Variants in SOX6 observed in about 807,000 individuals in gnomAD.
SOX6 encodes SRY-box transcription factor 6, also known as transcription factor SOX-6.
SOX6 carries 11 observed loss-of-function variants against 97.8 expected under a neutral mutation model. The ratio of observed to expected loss-of-function variants is 0.11; its 90% CI spans 0.07 to 0.19. The LOEUF is 0.19. Among genes scored for constraint, SOX6 ranks in the 10% least tolerant of loss-of-function variants. The probability of loss-of-function intolerance (pLI) is 1.00; values close to 1 mark genes in which losing one functional copy is unlikely to be tolerated. For missense variants in SOX6, 810 were observed against 1,039.5 expected, an observed-to-expected ratio of 0.78 and a Z score of 3.04; for synonymous variants, 360 against 371.4, an observed-to-expected ratio of 0.97 and a Z score of 0.35.
At chr11:16,123,719 T>C (rs901969568) in intron 6 of SOX6, among the ~76,000 whole-genome samples, 1 of 152,038 alleles carries the variant, frequency 6.6e-6, no homozygotes, top group Non-Finnish European at 1.5e-5. Flanking sequence ...CTCCCTTTAA[T>C]GAACAAGGTG....
intron 2 of SOX6, among the ~76,000 whole-genome samples, chr11:16,335,668 G>A (rs889054240): frequency 1.4e-4 from 22 of 152,150 alleles, no homozygotes; most frequent in Admixed American, 1.3e-3. Flanking sequence ...CATGACTGAA[G>A]ATTAGATCCT....
chr11:16,410,475 G>A (rs1590192877), intron 1 of SOX6, among the ~76,000 whole-genome samples: 1 of 152,110 alleles, frequency 6.6e-6, no homozygotes, highest in East Asian at 1.9e-4. Context: ...ATGAGCAAGG[G>A]GCCAGGCATG....
intron 3 of SOX6, chr11:16,317,265 T>G (rs1855779836): frequency 6.6e-6 from 1 of 150,964 alleles, no homozygotes; most frequent in Non-Finnish European, 1.5e-5. Flanking sequence ...ATGTTATATA[T>G]AATATAATAC....
intron 3 of SOX6, among the ~76,000 whole-genome samples, chr11:16,251,714 T>C (rs1853516850): frequency 6.6e-6 from 1 of 151,922 alleles, no homozygotes; most frequent in Non-Finnish European, 1.5e-5. Flanking sequence ...ATCCAACTCA[T>C]GTTAGGGGAC....
intron 2 of SOX6, among the ~76,000 whole-genome samples, chr11:16,731,903 C>T (rs1312996068): frequency 6.6e-6 from 1 of 152,110 alleles, no homozygotes; most frequent in African/African-American, 2.4e-5. Context: ...AGTCTCAGAA[C>T]ACAAACTCAA....
intron 2 of SOX6, among the ~76,000 whole-genome samples, chr11:16,335,226 G>A (rs1255715271): frequency 2.0e-5 from 3 of 152,162 alleles, no homozygotes; most frequent in Admixed American, 6.5e-5. Context: ...ACTATTCAGT[G>A]ATTCAAGGTA....
At chr11:16,419,126 AAG>A (rs1858980150) in intron 1 of SOX6, among the ~76,000 whole-genome samples, 1 of 152,200 alleles carries the variant, frequency 6.6e-6, no homozygotes, top group South Asian at 2.1e-4. Context: ...GCACAGATTT[AAG>A]AGTGTGGCAA....
At chr11:16,523,240 C>G (rs1276222383) in intron 4 of SOX6, among the ~76,000 whole-genome samples, 5 of 152,060 alleles carry the variant, frequency 3.3e-5, no homozygotes, top group Non-Finnish European at 7.4e-5. Context: ...AAGTAAAGCT[C>G]TCCTCAGCAA....
chr11:16,641,797 T>C (rs1848918811), intron 3 of SOX6, among the ~76,000 whole-genome samples: 1 of 152,222 alleles, frequency 6.6e-6, no homozygotes, highest in African/African-American at 2.4e-5. Flanking sequence ...AGCCTATGTG[T>C]GTCTCTGCAC....
intron 8 of SOX6, among the ~76,000 whole-genome samples, chr11:16,096,428 TTAG>T (rs1848796024): frequency 6.6e-6 from 1 of 151,760 alleles, no homozygotes; most frequent in African/African-American, 2.4e-5. Flanking sequence ...GGTTTCAGTG[TTAG>T]TAGCGTGAAA....
intron 1 of SOX6, among the ~76,000 whole-genome samples, chr11:16,430,871 T>C (rs1434678910): frequency 6.6e-6 from 1 of 152,168 alleles, no homozygotes; most frequent in East Asian, 1.9e-4. Flanking sequence ...TGAGAACTCA[T>C]GTCACCTTTC....
intron 4 of SOX6, among the ~76,000 whole-genome samples, chr11:16,595,586 C>T (rs1299572413): frequency 8.9e-6 from 1 of 112,346 alleles, no homozygotes; most frequent in Non-Finnish European, 1.8e-5. Context: ...CCCTGGGCAA[C>T]AAGATACCAC....
intron 7 of SOX6, among the ~76,000 whole-genome samples, chr11:16,108,450 G>A (rs1849151681): frequency 1.3e-5 from 2 of 152,244 alleles, no homozygotes; most frequent in South Asian, 2.1e-4. Context: ...TGGCAACTGT[G>A]AAAGATGCTT....
intron 4 of SOX6, among the ~76,000 whole-genome samples, chr11:16,496,500 T>A (rs1403170717): frequency 6.6e-6 from 1 of 152,208 alleles, no homozygotes; most frequent in African/African-American, 2.4e-5. Context: ...GCACCGAGCA[T>A]GAGCCAAAGC....
intron 4 of SOX6, among the ~76,000 whole-genome samples, chr11:16,201,115 CAAAA>C (rs58967902): frequency 1.0e-5 from 1 of 95,760 alleles, no homozygotes; most frequent in African/African-American, 3.9e-5. Flanking sequence ...GACTCCGTCT[CAAAA>C]AAAAAAAAAA....
rs917340945 is a variant in SOX6 at position 16,560,508 on chromosome 11, T to C, written n.609+51573A>G. On this transcript the variant is annotated intron_variant and non_coding_transcript_variant, in intron 4 of 5. Transcript: ENST00000524520. ...TTATACGTACATATATGTTTATACG[T>C]ACATATATGTTTATACGTACATATA... 7.0e-4 allele frequency among the ~76,000 whole-genome samples: 96 copies of C among 137,156 alleles called. 4 individuals carry two copies. Among genetic ancestry groups the C allele is most frequent in the African/African-American group, 1.3e-3 (49 of 38,204 alleles). 90.0% of individuals were successfully genotyped at this position (137,156 alleles called of 152,430 possible).
intron 4 of SOX6, among the ~76,000 whole-genome samples, chr11:16,197,295 G>A (rs1851808496): frequency 1.3e-5 from 2 of 152,320 alleles, no homozygotes; most frequent in South Asian, 4.1e-4. Flanking sequence ...GGACATCCTA[G>A]TGGGTGTGGC....
chr11:15,978,564 A>G (rs1478359492), intron 15 of SOX6, among the ~76,000 whole-genome samples: 1 of 151,296 alleles, frequency 6.6e-6, no homozygotes, highest in Non-Finnish European at 1.5e-5. Context: ...CCTGCCATCT[A>G]AGCACCGAAG....
At chr11:16,277,939 A>G (rs1854446710) in intron 3 of SOX6, among the ~76,000 whole-genome samples, 1 of 152,228 alleles carries the variant, frequency 6.6e-6, no homozygotes, top group African/African-American at 2.4e-5. Flanking sequence ...TCTACATCAT[A>G]GAGTTATTGT....
Sources: gnomAD v4.1 joint callset for allele counts (sites outside exome capture counted in the v4.1 genomes callset) on GRCh38, gnomAD v4.1.1 for gene constraint, MANE v1.5 for transcripts, NCBI Gene and HGNC (gene_info 2026-07-23, HGNC 2026-07-21) for gene names.